The following HTR2C variants were observed in gnomAD, a reference collection of about 807,000 sequenced individuals.
HTR2C encodes 5-hydroxytryptamine receptor 2C.
Under a neutral mutation model 21.0 loss-of-function variants are expected in HTR2C, and 5 were observed. That is an observed-to-expected ratio of 0.24 (90% CI 0.12 to 0.50). HTR2C has a LOEUF of 0.50. HTR2C is among the 20% of genes least tolerant of loss of function. The probability of loss-of-function intolerance (pLI) is 0.98; values close to 1 mark genes in which losing one functional copy is unlikely to be tolerated. For missense variants in HTR2C, 271 were observed against 371.2 expected (o/e 0.73, Z 2.22); for synonymous variants, 150 against 145.3 (o/e 1.03, Z -0.23).
At chrX:114,830,527 G>A (rs1481015311) in intron 4 of HTR2C, among the ~76,000 whole-genome samples, 3 of 110,870 alleles carry the variant, frequency 2.7e-5, no homozygotes, top group Non-Finnish European at 5.7e-5. Context: ...AGGAGAGATA[G>A]GATGAAATGT....
In HTR2C at chrX:114,725,590, C is replaced by T. The variant is rs782693438; in HGVS notation, c.-79-1268C>T. Among the ~76,000 whole-genome samples, 44 of 112,169 alleles carry T rather than the reference C, an allele frequency of 3.9e-4. No individual in the cohort carries two copies. In the South Asian group the frequency reaches 0.015, roughly 39 times the overall value. On this transcript the variant is annotated intron_variant, in intron 2 of 5. Coordinates refer to ENST00000276198, the MANE Select transcript of HTR2C (RefSeq NM_000868.4). Reference sequence around the variant, plus strand: ...GCGTTCCTTTGGAGGAGGAGAGGCGCTCTGCATTTTAGAGTTTCCAGTTTT... The same window carrying T: ...GCGTTCCTTTGGAGGAGGAGAGGCGTTCTGCATTTTAGAGTTTCCAGTTTT...
intron 2 of HTR2C, among the ~76,000 whole-genome samples, chrX:114,691,413 G>T: frequency 8.9e-6 from 1 of 111,835 alleles, no homozygotes. Context: ...ATGCAATTTA[G>T]AAAGGATTTC....
chrX:114,907,328 T>C lies in HTR2C; in HGVS notation c.1290T>C (p.Asn430=). The C allele has an allele frequency of 8.3e-7, 1 of 1,211,156 alleles. No individual in the cohort carries two copies. The highest frequency in any genetic ancestry group is 1.8e-5 in the South Asian group (1 of 56,950). Residue 430 remains asparagine (N), a synonymous_variant, in exon 6 of 6, where the codon AAT becomes AAC. Transcript: ENST00000276198. The part of the protein sequence containing the change: ...NEPVIEKASD[N]EPGIEMQVEN... ...CGGTGATCGAGAAAGCCAGTGACAA[T>C]GAGCCCGGTATAGAGATGCAAGTTG...
intron 4 of HTR2C, among the ~76,000 whole-genome samples, chrX:114,843,406 C>A (rs1313329853): frequency 9.0e-6 from 1 of 111,293 alleles, no homozygotes; most frequent in Non-Finnish European, 1.9e-5. Flanking sequence ...AACATGAAAA[C>A]AGGTCAATTG....
At chrX:114,665,262 G>A (rs1931134280) in intron 2 of HTR2C, among the ~76,000 whole-genome samples, 1 of 111,927 alleles carries the variant, frequency 8.9e-6, no homozygotes, top group Admixed American at 9.5e-5. Flanking sequence ...TCTGTTTCAG[G>A]ATCTGTCTGC....
intron 4 of HTR2C, among the ~76,000 whole-genome samples, chrX:114,767,695 A>G (rs201856859): frequency 9.3e-6 from 1 of 108,070 alleles, no homozygotes; most frequent in East Asian, 2.8e-4. Context: ...TATAAAATAT[A>G]TATAATGAAA....
chrX:114,667,717 C>T (rs1402863569), intron 2 of HTR2C, among the ~76,000 whole-genome samples: 1 of 111,386 alleles, frequency 9.0e-6, no homozygotes, highest in Non-Finnish European at 1.9e-5. Flanking sequence ...TTGTACTCAA[C>T]TAGTTTTTCC....
At chrX:114,694,911 T>C (rs1556415678) in intron 2 of HTR2C, among the ~76,000 whole-genome samples, 1 of 112,191 alleles carries the variant, frequency 8.9e-6, no homozygotes, top group East Asian at 2.8e-4. Context: ...AGAAAAGCTT[T>C]ATTTTTTATT....
rs145470692 is a variant in HTR2C at position 114,687,033 on chromosome X, C to T, written c.-79-39825C>T. ...GATGGGAACATCATTTTGAAAATTA[C>T]AGTAATAGTTGAGTTCATGACACTG... On this transcript the variant is annotated intron_variant, in intron 2 of 5. Coordinates refer to ENST00000276198, the MANE Select transcript of HTR2C (RefSeq NM_000868.4). 4.2e-4 allele frequency among the ~76,000 whole-genome samples: 47 copies of T among 111,575 alleles called. No individual in the cohort carries two copies. In the East Asian group the frequency reaches 0.013, roughly 30 times the overall value.
At chrX:114,635,278 G>A (rs1929798633) in intron 2 of HTR2C, among the ~76,000 whole-genome samples, 1 of 111,843 alleles carries the variant, frequency 8.9e-6, no homozygotes, top group African/African-American at 3.2e-5. Flanking sequence ...TCAATTTTTG[G>A]TATAGCCAGT....
chrX:114,835,660 C>T (rs782340454), intron 4 of HTR2C, among the ~76,000 whole-genome samples: 6 of 111,581 alleles, frequency 5.4e-5, no homozygotes, highest in South Asian at 3.7e-4. Context: ...AATGTCCTCC[C>T]GTAGCTCAGA....
intron 2 of HTR2C, among the ~76,000 whole-genome samples, chrX:114,691,820 C>T (rs1330795218): frequency 1.8e-5 from 2 of 111,443 alleles, no homozygotes; most frequent in African/African-American, 6.5e-5. Flanking sequence ...ATGGCCACTG[C>T]TTCTTAGAAA....
At chrX:114,799,521 T>C (rs940241582) in intron 4 of HTR2C, among the ~76,000 whole-genome samples, 1 of 110,678 alleles carries the variant, frequency 9.0e-6, no homozygotes, top group Middle Eastern at 4.3e-3. Context: ...TTTTTAGGGA[T>C]ATTTCAAAAA....
At chrX:114,638,563 T>C (rs1321809458) in intron 2 of HTR2C, among the ~76,000 whole-genome samples, 1 of 107,563 alleles carries the variant, frequency 9.3e-6, no homozygotes, top group African/African-American at 3.4e-5. Flanking sequence ...TTAGGGTACA[T>C]GTGCACATTG....
chrX:114,605,366 G>A (rs1200732467), intron 1 of HTR2C, among the ~76,000 whole-genome samples: 1 of 109,929 alleles, frequency 9.1e-6, no homozygotes, highest in Non-Finnish European at 1.9e-5. Context: ...AGCCTGGGGA[G>A]GAAGGGAGAG....
intron 5 of HTR2C, among the ~76,000 whole-genome samples, chrX:114,850,348 G>T (rs2070906792): frequency 9.0e-6 from 1 of 111,080 alleles, no homozygotes; most frequent in Non-Finnish European, 1.9e-5. Flanking sequence ...GGTCAAGTCT[G>T]CAGTGAGCTG....
rs868906813 is a variant in HTR2C at position 114,724,302 on chromosome X, G to A, written c.-79-2556G>A. ...TCTTTGTCTCTTTTGATCTTTGTTG[G>A]TTTAAAGTCTGTTTTATCAGAGACT... On this transcript the variant is annotated intron_variant, in intron 2 of 5. Transcript: ENST00000276198. 1.0e-4 allele frequency among the ~76,000 whole-genome samples: 10 copies of A among 99,170 alleles called. 1 individual carries two copies. In the Middle Eastern group the frequency reaches 0.021, roughly 203 times the overall value. 86.1% of individuals were successfully genotyped at this position (99,170 alleles called of 115,157 possible). A position where few individuals can be genotyped will look rare whatever the true frequency, so the allele number is the denominator to read the frequency against.
In HTR2C at chrX:114,593,575, G is replaced by A. The variant is rs187457671; in HGVS notation, c.-147+8916G>A. On this transcript the variant is annotated intron_variant, in intron 1 of 5. Coordinates refer to ENST00000276198, the MANE Select transcript of HTR2C (RefSeq NM_000868.4). ...TTCATGTTTATACTCCCCAGCTACC[G>A]TTTGCATATATCATTACATATTGTG... is the stretch of plus-strand genomic sequence containing the variant. 1.4e-3 allele frequency among the ~76,000 whole-genome samples: 159 copies of A among 111,499 alleles called. 1 individual carries two copies. Among genetic ancestry groups the A allele is most frequent in the Admixed American group, 2.8e-3 (29 of 10,420 alleles).
intron 5 of HTR2C, among the ~76,000 whole-genome samples, chrX:114,868,980 A>G (rs1312060339): frequency 1.8e-5 from 2 of 110,016 alleles, no homozygotes; most frequent in Non-Finnish European, 3.8e-5. Flanking sequence ...TCCTAATGCT[A>G]TCCCTCCCCC....
Sources: gnomAD v4.1 joint callset for allele counts (sites outside exome capture counted in the v4.1 genomes callset) on GRCh38, gnomAD v4.1.1 for gene constraint, MANE v1.5 for transcripts, NCBI Gene and HGNC (gene_info 2026-07-23, HGNC 2026-07-21) for gene names.